Variants in RAPGEF2 observed in about 807,000 individuals in gnomAD.
RAPGEF2 encodes Rap guanine nucleotide exchange factor 2, also known as PDZ domain containing guanine nucleotide exchange factor (GEF) 1.
A neutral mutation model predicts 186.7 loss-of-function variants in RAPGEF2; 54 were observed. The ratio of observed to expected loss-of-function variants is 0.29; its 90% CI spans 0.23 to 0.36. The LOEUF is 0.36. Among genes scored for constraint, RAPGEF2 ranks in the 10% least tolerant of loss-of-function variants. The probability of loss-of-function intolerance (pLI) is 1.00; values close to 1 mark genes in which losing one functional copy is unlikely to be tolerated. For missense variants in RAPGEF2, 1,532 were observed against 2,045.0 expected (o/e 0.75, Z 4.84); for synonymous variants, 712 against 705.9 (o/e 1.01, Z -0.14).
chr4:159,204,629 T>C (rs1179838308), intron 3 of RAPGEF2, among the ~76,000 whole-genome samples: 1 of 152,206 alleles, frequency 6.6e-6, no homozygotes, highest in Non-Finnish European at 1.5e-5. Flanking sequence ...GTTAATTTCC[T>C]TCCTGTTGAT....
chr4:159,281,235 C>T (rs553192558), intron 7 of RAPGEF2, among the ~76,000 whole-genome samples: 1 of 152,072 alleles, frequency 6.6e-6, no homozygotes, highest in African/African-American at 2.4e-5. Flanking sequence ...CATGATCTGC[C>T]CGCCTTGGCC....
chr4:159,250,668 T>C (rs989593673), intron 7 of RAPGEF2, among the ~76,000 whole-genome samples: 11 of 37,722 alleles, frequency 2.9e-4, no homozygotes, highest in South Asian at 1.1e-3. Flanking sequence ...CACTCTTCTT[T>C]TTTTTTTTTT....
chr4:159,111,506 G>A (rs1370001134), intron 1 of RAPGEF2, among the ~76,000 whole-genome samples: 1 of 152,188 alleles, frequency 6.6e-6, no homozygotes, highest in Non-Finnish European at 1.5e-5. Context: ...TTCTTCTCTA[G>A]CTCATGGTAT....
At chr4:159,350,081 G>T in intron 25 of RAPGEF2, 56 bp from the exon 26 acceptor site, 2 of 1,246,590 alleles carry the variant, frequency 1.6e-6, no homozygotes, top group Non-Finnish European at 1.1e-6. Context: ...TTCATAAATG[G>T]TGTTTATTTT....
intron 11 of RAPGEF2, among the ~76,000 whole-genome samples, chr4:159,324,124 T>C (rs951194062): frequency 1.3e-5 from 2 of 151,636 alleles, no homozygotes; most frequent in African/African-American, 4.8e-5. Context: ...CTCAAACTCC[T>C]GACCTCGTGA....
chr4:159,241,058 A>G (rs1579570807), intron 5 of RAPGEF2, 143 bp from the exon 6 acceptor site: 2 of 605,396 alleles, frequency 3.3e-6, no homozygotes, highest in Admixed American at 3.6e-5. Flanking sequence ...GTTCAGAGAC[A>G]CTTGAAGTTT....
chr4:159,182,184 A>G lies in RAPGEF2; in HGVS notation c.70-4458A>G, dbSNP rs184278936. 2.2e-3 allele frequency among the ~76,000 whole-genome samples: 330 copies of G among 152,314 alleles called. 2 individuals are homozygous for G. Among genetic ancestry groups the G allele is most frequent in the African/African-American group, 7.4e-3 (306 of 41,576 alleles). ...AGGCTTCTTGGAAATATCGGAGTAC[A>G]GATGGATAAAATGAGAGGCAATCAG... On this transcript the variant is annotated intron_variant, in intron 1 of 29. Transcript: ENST00000691494.
intron 9 of RAPGEF2, among the ~76,000 whole-genome samples, chr4:159,320,711 T>C (rs1302461175): frequency 6.6e-6 from 1 of 152,176 alleles, no homozygotes; most frequent in African/African-American, 2.4e-5. Flanking sequence ...CCAGAAATGT[T>C]GTATCTGGGA....
chr4:159,172,079 G>A (rs566595860), intron 1 of RAPGEF2, among the ~76,000 whole-genome samples: 1 of 152,072 alleles, frequency 6.6e-6, no homozygotes, highest in Non-Finnish European at 1.5e-5. Context: ...TCTTTAAATG[G>A]AATACATTAA....
At position 159,341,708 on chromosome 4, in the gene RAPGEF2, C is replaced by G. The variant is rs1729493890; in HGVS notation, c.2679C>G (p.Leu893=). Residue 893 remains leucine (L), a synonymous_variant, in exon 20 of 30, where the codon CTC becomes CTG. Transcript: ENST00000691494. ...ATQLSMRNFE[L]FRNIEPTEYI... The stretch of plus-strand genomic sequence containing the variant: ...AGCTCTCTATGCGAAATTTTGAACT[C>G]TTTCGCAACATTGAACCTACTGAAT... 2 of 1,613,934 alleles carry G rather than the reference C, an allele frequency of 1.2e-6. No homozygotes were observed. The highest frequency in any genetic ancestry group is 2.2e-5 in the East Asian group (1 of 44,886).
intron 1 of RAPGEF2, among the ~76,000 whole-genome samples, chr4:159,110,881 T>C (rs1738415134): frequency 7.0e-6 from 1 of 143,686 alleles, no homozygotes; most frequent in Non-Finnish European, 1.5e-5. Context: ...ATTGATCTTG[T>C]AACTTTATCA....
At chr4:159,230,390 C>T (rs1752502928) in intron 4 of RAPGEF2, among the ~76,000 whole-genome samples, 1 of 152,138 alleles carries the variant, frequency 6.6e-6, no homozygotes, top group South Asian at 2.1e-4. Context: ...TATACAAATA[C>T]ACATATACAC....
chr4:159,198,836 A>C (rs1749090804), intron 3 of RAPGEF2, among the ~76,000 whole-genome samples: 1 of 151,642 alleles, frequency 6.6e-6, no homozygotes, highest in Admixed American at 6.6e-5. Flanking sequence ...CATAAAGAAA[A>C]TGGTGGCTCG....
At chr4:159,240,989 G>T (rs916868904) in intron 5 of RAPGEF2, 16 of 457,986 alleles carry the variant, frequency 3.5e-5, no homozygotes, top group African/African-American at 2.6e-4. Flanking sequence ...GTCCTAAGTG[G>T]AACTGAAAAT....
intron 7 of RAPGEF2, among the ~76,000 whole-genome samples, chr4:159,276,563 CTTAT>C (rs1255386144): frequency 1.3e-5 from 2 of 152,046 alleles, no homozygotes; most frequent in African/African-American, 4.8e-5. Context: ...TGGTCTGTGT[CTTAT>C]TTGTTATAAC....
chr4:159,318,008 A>G (rs1468521633), intron 9 of RAPGEF2, among the ~76,000 whole-genome samples: 1 of 152,144 alleles, frequency 6.6e-6, no homozygotes, highest in Non-Finnish European at 1.5e-5. Flanking sequence ...CAGAATCTCT[A>G]GAAAGCAGCA....
chr4:159,305,897 C>T (rs1221049412), intron 8 of RAPGEF2, among the ~76,000 whole-genome samples: 1 of 152,080 alleles, frequency 6.6e-6, no homozygotes, highest in Non-Finnish European at 1.5e-5. Flanking sequence ...TTTCCCAGCA[C>T]CATTTATCGA....
At chr4:159,247,915 A>C (rs1754843832) in intron 7 of RAPGEF2, among the ~76,000 whole-genome samples, 4 of 151,370 alleles carry the variant, frequency 2.6e-5, no homozygotes, top group African/African-American at 9.7e-5. Flanking sequence ...GGTGTGCACC[A>C]CCAGGCCTGG....
chr4:159,216,803 T>C (rs1447231373), intron 4 of RAPGEF2, among the ~76,000 whole-genome samples: 4 of 152,238 alleles, frequency 2.6e-5, no homozygotes, highest in Admixed American at 2.6e-4. Context: ...CCTTCATTGA[T>C]ACCAACTGTA....
Sources: allele counts gnomAD v4.1 joint callset (sites outside exome capture counted in the v4.1 genomes callset), GRCh38; gene constraint gnomAD v4.1.1; transcripts MANE v1.5; gene names NCBI Gene and HGNC (gene_info 2026-07-23, HGNC 2026-07-21).